FBXL13: variants seen among roughly 807,000 people sequenced by gnomAD.
FBXL13 encodes F-box and leucine-rich repeat protein 13.
A neutral mutation model predicts 83.6 loss-of-function variants in FBXL13; 67 were observed. The ratio of observed to expected loss-of-function variants is 0.80; its 90% CI spans 0.66 to 0.98. The LOEUF (loss-of-function observed/expected upper bound fraction) is 0.98, where lower values mean the gene tolerates loss of function less well. Among genes scored for constraint, FBXL13 ranks in the 50% least tolerant of loss-of-function variants. The probability of loss-of-function intolerance (pLI) is 0.00; values close to 1 mark genes in which losing one functional copy is unlikely to be tolerated. For synonymous variants in FBXL13, 272 were observed against 299.5 expected (o/e 0.91, Z 0.95); for missense variants, 822 against 866.5 (o/e 0.95, Z 0.64).
At chr7:102,988,290 T>C (rs1487428434) in intron 6 of FBXL13, 1 of 152,280 alleles carries the variant, frequency 6.6e-6, no homozygotes, top group Non-Finnish European at 1.5e-5. Context: ...TGCTCAGGAA[T>C]GTCCACTTTA....
intron 2 of FBXL13, among the ~76,000 whole-genome samples, chr7:103,040,909 A>T (rs1795611318): frequency 6.6e-6 from 1 of 152,188 alleles, no homozygotes; most frequent in Non-Finnish European, 1.5e-5. Context: ...TAAAATCACA[A>T]TTAAAAGAAC....
At chr7:102,928,699 C>T (rs74992440) in intron 9 of FBXL13, among the ~76,000 whole-genome samples, 10,640 of 152,234 alleles carry the variant, frequency 0.07, 432 homozygotes, top group South Asian at 0.14. Context: ...TTTTAATTCC[C>T]TCCAACACCT....
At chr7:102,833,012 T>C in intron 17 of FBXL13, 38 bp from the exon 19 acceptor site, 1 of 1,610,374 alleles carries the variant, frequency 6.2e-7, no homozygotes, top group East Asian at 2.2e-5. Flanking sequence ...TTCTTTTCTT[T>C]AGTCATCTAG....
At chr7:102,975,656 T>C (rs930557163) in intron 6 of FBXL13, among the ~76,000 whole-genome samples, 9 of 152,184 alleles carry the variant, frequency 5.9e-5, no homozygotes, top group African/African-American at 2.2e-4. Context: ...ACTGAAGCCA[T>C]GAGAAAATAT....
intron 11 of FBXL13, among the ~76,000 whole-genome samples, chr7:102,910,868 C>A (rs1168526506): frequency 6.6e-6 from 1 of 152,180 alleles, no homozygotes; most frequent in Non-Finnish European, 1.5e-5. Context: ...AGTCAATCCT[C>A]CCACCTCAGC....
chr7:103,030,447 A>G (rs538187852), intron 2 of FBXL13, among the ~76,000 whole-genome samples: 14 of 152,308 alleles, frequency 9.2e-5, no homozygotes, highest in Non-Finnish European at 1.8e-4. Context: ...CAGATGAGTA[A>G]AGGAGTATTG....
At chr7:102,911,119 T>G (rs900051390) in intron 11 of FBXL13, among the ~76,000 whole-genome samples, 20 of 152,188 alleles carry the variant, frequency 1.3e-4, no homozygotes, top group African/African-American at 4.8e-4. Flanking sequence ...TGTCCTTGGG[T>G]GGGGAACAAT....
At chr7:102,978,716 C>G (rs1163278431) in intron 6 of FBXL13, 1 of 197,104 alleles carries the variant, frequency 5.1e-6, no homozygotes, top group Non-Finnish European at 1.1e-5. Flanking sequence ...TGAACTGATA[C>G]AAGAATCCTT....
intron 8 of FBXL13, among the ~76,000 whole-genome samples, chr7:102,952,084 C>T (rs1823514267): frequency 1.3e-5 from 2 of 151,986 alleles, no homozygotes; most frequent in African/African-American, 2.4e-5. Context: ...TGAAGTAAGC[C>T]AGGCACAAAA....
intron 17 of FBXL13, among the ~76,000 whole-genome samples, chr7:102,851,553 T>TTCTC (rs10602252): frequency 0.024 from 3,478 of 143,542 alleles, 60 homozygotes; most frequent in Non-Finnish European, 0.031. Context: ...TTCCTTCTTC[T>TTCTC]TCTCTCTCTC....
At chr7:102,868,949 T>C (rs1478176952) in intron 16 of FBXL13, among the ~76,000 whole-genome samples, 1 of 152,254 alleles carries the variant, frequency 6.6e-6, no homozygotes, top group Non-Finnish European at 1.5e-5. Context: ...ATTGCAGGCA[T>C]GAACCTCTGT....
intron 6 of FBXL13, among the ~76,000 whole-genome samples, chr7:102,984,516 G>A (rs1828704219): frequency 6.6e-6 from 1 of 152,200 alleles, no homozygotes; most frequent in South Asian, 2.1e-4. Context: ...TATAGTTCCA[G>A]TACAAATCTG....
chr7:102,817,637 A>G (rs988186086), intron 19 of FBXL13, among the ~76,000 whole-genome samples: 3 of 152,162 alleles, frequency 2.0e-5, no homozygotes, highest in East Asian at 1.9e-4. Context: ...TGTAGAAACT[A>G]TATTTCTGGG....
intron 2 of FBXL13, among the ~76,000 whole-genome samples, chr7:103,040,120 T>G (rs1198688908): frequency 1.3e-5 from 2 of 150,060 alleles, no homozygotes; most frequent in Admixed American, 6.7e-5. Flanking sequence ...AATAAAGGGA[T>G]GGAGGAATAC....
chr7:102,869,293 ATCT>A (rs1464941872), intron 16 of FBXL13, among the ~76,000 whole-genome samples: 2 of 152,118 alleles, frequency 1.3e-5, no homozygotes, highest in Non-Finnish European at 2.9e-5. Context: ...TTTGAGAAAT[ATCT>A]ATTCAGGTCT....
intron 6 of FBXL13, among the ~76,000 whole-genome samples, chr7:102,976,573 C>T (rs1276203325): frequency 2.6e-5 from 4 of 152,160 alleles, no homozygotes; most frequent in African/African-American, 9.7e-5. Context: ...TGCAACCTTT[C>T]CTTATCCCCC....
intron 2 of FBXL13, chr7:103,030,096 C>G (rs1454588481): frequency 6.6e-6 from 1 of 152,110 alleles, no homozygotes; most frequent in East Asian, 1.9e-4. Context: ...CCTTTGCTTA[C>G]TATATAGATA....
chr7:103,073,988 CA>C (rs1361523173), intron 1 of FBXL13, among the ~76,000 whole-genome samples: 1 of 152,180 alleles, frequency 6.6e-6, no homozygotes, highest in Non-Finnish European at 1.5e-5. Context: ...AAGAGGTCAA[CA>C]AAGGCAAATG....
At chr7:102,920,955 C>T (rs544553479) in intron 10 of FBXL13, among the ~76,000 whole-genome samples, 4 of 152,006 alleles carry the variant, frequency 2.6e-5, no homozygotes, top group Admixed American at 2.0e-4. Flanking sequence ...AGTTCGAGAC[C>T]GGCCTGGCCA....
Sources: gnomAD v4.1 joint callset for allele counts (sites outside exome capture counted in the v4.1 genomes callset) on GRCh38, gnomAD v4.1.1 for gene constraint, MANE v1.5 for transcripts, NCBI Gene and HGNC (gene_info 2026-07-23, HGNC 2026-07-21) for gene names.